PPARGC1A: variants seen among roughly 807,000 people sequenced by gnomAD.
PPARGC1A encodes the protein PPARG coactivator 1 alpha.
PPARGC1A carries 25 observed loss-of-function variants against 88.7 expected under a neutral mutation model. The ratio of observed to expected loss-of-function variants is 0.28; its 90% CI spans 0.21 to 0.39. The LOEUF (loss-of-function observed/expected upper bound fraction) is 0.39. Ranked by LOEUF, PPARGC1A falls within the 10% of genes least tolerant of loss-of-function variation. The pLI is 1.00. For missense variants in PPARGC1A, 880 were observed against 968.7 expected, an observed-to-expected ratio of 0.91 and a Z score of 1.22; for synonymous variants, 363 against 355.6, an observed-to-expected ratio of 1.02 and a Z score of -0.24.
intron 7 of PPARGC1A, chr4:23,820,478 G>C: frequency 3.9e-6 from 1 of 259,498 alleles, no homozygotes. Context: ...ACCTTGTTGA[G>C]CTGACATTGC....
the PPARGC1A span, among the ~76,000 whole-genome samples, chr4:24,143,891 T>C: frequency 3.3e-5 from 5 of 152,238 alleles, no homozygotes; most frequent in African/African-American, 1.2e-4. Flanking sequence ...TTCAGGAACC[T>C]GGCAGTCTTA....
At chr4:24,129,763 C>T in the PPARGC1A span, among the ~76,000 whole-genome samples, 88,779 of 151,862 alleles carry the variant, frequency 0.58, 26,127 homozygotes, top group African/African-American at 0.62. Flanking sequence ...CCATCAATGA[C>T]AGACTGGATT....
chr4:24,404,033 G>T, the PPARGC1A span, among the ~76,000 whole-genome samples: 3 of 152,082 alleles, frequency 2.0e-5, no homozygotes, highest in Non-Finnish European at 4.4e-5. Context: ...GGAGGCTAAG[G>T]TGGGTGGATC....
At chr4:23,997,644 G>T in the PPARGC1A span, among the ~76,000 whole-genome samples, 3 of 151,744 alleles carry the variant, frequency 2.0e-5, no homozygotes, top group Non-Finnish European at 4.4e-5. Flanking sequence ...TGGTACTACA[G>T]GTGCACACCA....
intron 7 of PPARGC1A, among the ~76,000 whole-genome samples, chr4:23,817,073 A>C (rs141877510): frequency 8.5e-5 from 13 of 152,216 alleles, no homozygotes; most frequent in African/African-American, 2.9e-4. Context: ...GCCACTTTGT[A>C]CTCTCAGGTA....
At chr4:24,241,769 G>A in the PPARGC1A span, among the ~76,000 whole-genome samples, 7 of 152,172 alleles carry the variant, frequency 4.6e-5, no homozygotes, top group Non-Finnish European at 1.0e-4. Flanking sequence ...GTTTCGGGAG[G>A]GGGGAAACAG....
the PPARGC1A span, among the ~76,000 whole-genome samples, chr4:23,983,970 T>C: frequency 6.6e-6 from 1 of 152,104 alleles, no homozygotes. Flanking sequence ...CAATTGTACA[T>C]TTTCTTTAGT....
chr4:24,114,283 C>T, the PPARGC1A span, among the ~76,000 whole-genome samples: 5 of 152,142 alleles, frequency 3.3e-5, no homozygotes, highest in East Asian at 3.9e-4. Flanking sequence ...GATCTTACAG[C>T]GGAAACTATA....
At chr4:23,922,009 A>C in the PPARGC1A span, among the ~76,000 whole-genome samples, 1 of 152,250 alleles carries the variant, frequency 6.6e-6, no homozygotes, top group Non-Finnish European at 1.5e-5. Flanking sequence ...CTGAATATGC[A>C]CAATGTTCAT....
At chr4:23,884,683 C>T (rs750741245) in intron 2 of PPARGC1A, 69 bp downstream of exon 2, 58 of 1,422,896 alleles carry the variant, frequency 4.1e-5, no homozygotes, top group East Asian at 9.4e-5. Context: ...GCATTCAGGT[C>T]TATTACCATG....
At chr4:24,173,910 C>A in the PPARGC1A span, among the ~76,000 whole-genome samples, 1 of 152,202 alleles carries the variant, frequency 6.6e-6, no homozygotes, top group Admixed American at 6.5e-5. Flanking sequence ...AGCATTGATA[C>A]TGAAGTGGAC....
At chr4:24,032,716 A>C in the PPARGC1A span, among the ~76,000 whole-genome samples, 1 of 152,174 alleles carries the variant, frequency 6.6e-6, no homozygotes, top group Non-Finnish European at 1.5e-5. Flanking sequence ...GCACATGTCA[A>C]AATTTGTCAT....
At chr4:24,033,135 G>A in the PPARGC1A span, among the ~76,000 whole-genome samples, 1,616 of 152,176 alleles carry the variant, frequency 0.011, 32 homozygotes, top group African/African-American at 0.037. Context: ...TAGGCTCAGC[G>A]GTCAGACTTC....
the PPARGC1A span, among the ~76,000 whole-genome samples, chr4:23,960,004 C>A: frequency 6.8e-4 from 104 of 152,156 alleles, no homozygotes; most frequent in Middle Eastern, 0.01. Context: ...AATTTCAAGG[C>A]CAGACTAATG....
chr4:23,855,010 A>G (rs1459463638), intron 2 of PPARGC1A, among the ~76,000 whole-genome samples: 1 of 152,154 alleles, frequency 6.6e-6, no homozygotes, highest in Non-Finnish European at 1.5e-5. Flanking sequence ...ACCCAGTGGG[A>G]CATAACTGAA....
the PPARGC1A span, among the ~76,000 whole-genome samples, chr4:24,108,884 G>C: frequency 2.5e-4 from 38 of 152,194 alleles, 1 homozygote; most frequent in East Asian, 2.1e-3. Context: ...GAGAGAAAAA[G>C]ATGGGAAGAG....
chr4:24,072,135 AT>A, the PPARGC1A span, among the ~76,000 whole-genome samples: 1 of 147,214 alleles, frequency 6.8e-6, no homozygotes. Context: ...TATATTTATA[AT>A]TTTTTATTTT....
the PPARGC1A span, among the ~76,000 whole-genome samples, chr4:23,922,223 G>T: frequency 6.6e-6 from 1 of 152,182 alleles, no homozygotes; most frequent in Non-Finnish European, 1.5e-5. Context: ...CACTCAAAGA[G>T]AAATTGATTC....
chr4:24,137,010 A>G, the PPARGC1A span, among the ~76,000 whole-genome samples: 1 of 150,912 alleles, frequency 6.6e-6, no homozygotes, highest in Non-Finnish European at 1.5e-5. Flanking sequence ...GCTACTCAGG[A>G]GGCTAAGGCA....
Sources: gnomAD v4.1 joint callset for allele counts (sites outside exome capture counted in the v4.1 genomes callset) on GRCh38, gnomAD v4.1.1 for gene constraint, MANE v1.5 for transcripts, NCBI Gene and HGNC (gene_info 2026-07-23, HGNC 2026-07-21) for gene names.